Variants in NR5A2 observed in about 807,000 individuals in gnomAD.
NR5A2 encodes nuclear receptor subfamily 5 group A member 2.
NR5A2 carries 26 observed loss-of-function variants against 62.7 expected under a neutral mutation model. That is an observed-to-expected ratio of 0.41 (90% CI 0.30 to 0.58). The LOEUF is 0.58. Ranked by LOEUF, NR5A2 falls within the 20% of genes least tolerant of loss-of-function variation. The probability of loss-of-function intolerance (pLI) is 0.22; values close to 1 mark genes in which losing one functional copy is unlikely to be tolerated. For synonymous variants in NR5A2, 246 were observed against 241.7 expected (o/e 1.02, Z -0.16); for missense variants, 541 against 669.1 (o/e 0.81, Z 2.11).
intron 4 of NR5A2, among the ~76,000 whole-genome samples, chr1:200,046,451 T>C (rs1662367293): frequency 6.6e-6 from 1 of 152,192 alleles, no homozygotes; most frequent in African/African-American, 2.4e-5. Flanking sequence ...ATATCACCGA[T>C]GGTGCTAGAT....
Position 200,147,682 on chromosome 1 carries a change from G to A in NR5A2, c.1379-26281G>A. ...GTCGGACACGTGGAAGACATGGGTGGACTTGGGCTCCGAGGCGATCTCCTC... is the reference window on the plus strand; with the variant it reads ...GTCGGACACGTGGAAGACATGGGTGAACTTGGGCTCCGAGGCGATCTCCTC... On this transcript the variant is annotated intron_variant, in intron 7 of 7. Transcript: ENST00000367362. This position sits in a 1 kb window ranked among gnomAD's most constrained non-coding sequence, Gnocchi z 4.9. The A allele has an allele frequency of 1.5e-6, 1 of 687,930 alleles. No individual in the cohort carries two copies. The highest frequency in any genetic ancestry group is 2.8e-6 in the Non-Finnish European group (1 of 363,438). 42.6% of individuals were successfully genotyped at this position (687,930 alleles called of 1,614,324 possible).
chr1:200,053,569 G>GCGCACACACACACACACACACA (rs374944913), intron 5 of NR5A2, among the ~76,000 whole-genome samples: 1 of 141,994 alleles, frequency 7.0e-6, no homozygotes, highest in African/African-American at 2.7e-5. Flanking sequence ...GCATGCACAC[G>GCGCACACACACACACACACACA]CACACACACA....
At chr1:200,115,270 A>G (rs997483944) in intron 6 of NR5A2, among the ~76,000 whole-genome samples, 1 of 152,158 alleles carries the variant, frequency 6.6e-6, no homozygotes, top group African/African-American at 2.4e-5. Flanking sequence ...TCTTTGGGGG[A>G]AAACATGTAT....
chr1:200,045,119 G>T (rs1054463080), intron 3 of NR5A2, among the ~76,000 whole-genome samples: 11 of 151,840 alleles, frequency 7.2e-5, no homozygotes, highest in Admixed American at 7.2e-4. Flanking sequence ...GGAACATGTG[G>T]GATAATAGGA....
rs78267688 is a variant in NR5A2 at position 200,088,963 on chromosome 1, C to G, written c.1111-22239C>G. Among the ~76,000 whole-genome samples, 443 of 152,304 alleles carry G rather than the reference C, an allele frequency of 2.9e-3. 1 individual carries two copies. The highest frequency in any genetic ancestry group is 0.01 in the African/African-American group (434 of 41,562). ...ACTACTCAGTACTCCTCTCTGAGTG[C>G]ACCTTGCTAGGTTTCTTCACTAGCT... On this transcript the variant is annotated intron_variant, in intron 5 of 7. Transcript: ENST00000367362.
intron 7 of NR5A2, among the ~76,000 whole-genome samples, chr1:200,156,094 T>C (rs970150578): frequency 6.6e-6 from 1 of 152,216 alleles, no homozygotes; most frequent in Non-Finnish European, 1.5e-5. Flanking sequence ...GCTGTGGGTA[T>C]ATTTACTGAG....
rs869028679 is a variant in NR5A2 at position 200,092,873 on chromosome 1, C to CTTTTTTT, written c.1111-18307_1111-18301dup. ...ACATTGATATTACTAAAAGACAGGT[C>CTTTTTTT]TTTTTTTTTTTTTTTTTTTTTTTTT... On this transcript the variant is annotated intron_variant, in intron 5 of 7. Transcript: ENST00000367362. 1.7e-4 allele frequency among the ~76,000 whole-genome samples: 11 copies of CTTTTTTT among 64,250 alleles called. 1 individual carries two copies. The highest frequency in any genetic ancestry group is 6.2e-4 in the Admixed American group (3 of 4,842). The allele number at this position is 64,250 out of a possible 152,430, so 42.2% of individuals were successfully genotyped here. A position where few individuals can be genotyped will look rare whatever the true frequency, so the allele number is the denominator to read the frequency against.
At chr1:200,033,548 C>T (rs1234523652) in intron 1 of NR5A2, among the ~76,000 whole-genome samples, 2 of 152,202 alleles carry the variant, frequency 1.3e-5, no homozygotes, top group East Asian at 3.9e-4. Flanking sequence ...TCCCGGCCTT[C>T]TGCAAGCTCC....
intron 7 of NR5A2, among the ~76,000 whole-genome samples, chr1:200,159,825 GT>G (rs1653559315): frequency 1.3e-5 from 2 of 150,994 alleles, no homozygotes; most frequent in Admixed American, 6.6e-5. Flanking sequence ...GCTAATTTTT[GT>G]ATTTTTAGTA....
chr1:200,174,532 G>A lies in NR5A2; in HGVS notation c.*322G>A, dbSNP rs531645020. On this transcript the variant is annotated 3_prime_UTR_variant, in exon 8 of 8. Transcript: ENST00000367362. ...CGGTCAGAAGAAAAACGGACAGAACGGTTCTTGTATATTTAAACTGATCTC... is the reference window on the plus strand; with the variant it reads ...CGGTCAGAAGAAAAACGGACAGAACAGTTCTTGTATATTTAAACTGATCTC... 2.5e-4 allele frequency: 45 copies of A among 182,254 alleles called. No homozygotes were observed. In the East Asian group the frequency reaches 6.5e-3, roughly 26 times the overall value. The allele number at this position is 182,254 out of a possible 1,614,324, so 11.3% of individuals were successfully genotyped here. A position where few individuals can be genotyped will look rare whatever the true frequency, so the allele number is the denominator to read the frequency against.
chr1:200,162,972 TATATGCTGCAGTCTTC>T (rs985284166), intron 7 of NR5A2, among the ~76,000 whole-genome samples: 3 of 152,108 alleles, frequency 2.0e-5, no homozygotes, highest in Non-Finnish European at 2.9e-5. Flanking sequence ...CAAATAAAGT[TATATGCTGCAGTCTTC>T]CACATGGGTC....
At chr1:200,125,949 A>C (rs1666681051) in intron 7 of NR5A2, among the ~76,000 whole-genome samples, 1 of 151,946 alleles carries the variant, frequency 6.6e-6, no homozygotes, top group African/African-American at 2.4e-5. Context: ...CCTAGGCTCA[A>C]ATGATCCTCT....
intron 7 of NR5A2, among the ~76,000 whole-genome samples, chr1:200,124,866 C>A (rs1240753735): frequency 2.0e-5 from 3 of 152,064 alleles, no homozygotes; most frequent in Non-Finnish European, 4.4e-5. Flanking sequence ...CGTACTACTT[C>A]ACTCCAGCCT....
intron 7 of NR5A2, among the ~76,000 whole-genome samples, chr1:200,155,332 G>A (rs1268186702): frequency 1.3e-5 from 2 of 152,120 alleles, no homozygotes; most frequent in African/African-American, 4.8e-5. Flanking sequence ...AGTTTAAAAT[G>A]AAGCACAAAA....
At chr1:200,146,256 G>A (rs1667691894) in intron 7 of NR5A2, among the ~76,000 whole-genome samples, 1 of 152,144 alleles carries the variant, frequency 6.6e-6, no homozygotes, top group Non-Finnish European at 1.5e-5. Flanking sequence ...GCTACAATTG[G>A]CCTCAGATTC....
chr1:200,126,053 G>A (rs934903765), intron 7 of NR5A2, among the ~76,000 whole-genome samples: 17 of 152,052 alleles, frequency 1.1e-4, no homozygotes, highest in Non-Finnish European at 2.4e-4. Flanking sequence ...TCACTATGTT[G>A]CCCAGGCTGG....
At chr1:200,131,842 C>G (rs1666981114) in intron 7 of NR5A2, among the ~76,000 whole-genome samples, 1 of 152,102 alleles carries the variant, frequency 6.6e-6, no homozygotes, top group Non-Finnish European at 1.5e-5. Context: ...TGAGTTGTGG[C>G]TGTGTTTGGT....
At chr1:200,044,515 A>G (rs1454116109) in intron 3 of NR5A2, 1 of 152,148 alleles carries the variant, frequency 6.6e-6, no homozygotes. Flanking sequence ...CCAAAAATAT[A>G]AATTATACTT....
intron 7 of NR5A2, among the ~76,000 whole-genome samples, chr1:200,168,417 G>C (rs931058770): frequency 6.3e-4 from 96 of 152,110 alleles, no homozygotes; most frequent in African/African-American, 2.3e-3. Flanking sequence ...GGGTCTTGCT[G>C]TGGTGCCTAG....
Sources: gnomAD v4.1 joint callset for allele counts (sites outside exome capture counted in the v4.1 genomes callset) on GRCh38, gnomAD v4.1.1 for gene constraint, Gnocchi (gnomAD v3.1) non-coding constraint, MANE v1.5 for transcripts, NCBI Gene and HGNC (gene_info 2026-07-23, HGNC 2026-07-21) for gene names.